SHISA6: variants seen among roughly 807,000 people sequenced by gnomAD.
SHISA6 encodes shisa family member 6.
A neutral mutation model predicts 47.9 loss-of-function variants in SHISA6; 22 were observed. That is an observed-to-expected ratio of 0.46 (90% CI 0.33 to 0.66). SHISA6 has a LOEUF of 0.66. Ranked by LOEUF, SHISA6 falls within the 30% of genes least tolerant of loss-of-function variation. SHISA6 has a pLI of 0.02. For synonymous variants in SHISA6, 388 were observed against 337.8 expected (o/e 1.15, Z -1.63); for missense variants, 680 against 764.6 (o/e 0.89, Z 1.30).
intron 2 of SHISA6, among the ~76,000 whole-genome samples, chr17:11,365,979 C>T (rs991206127): frequency 3.9e-5 from 6 of 152,002 alleles, no homozygotes; most frequent in African/African-American, 1.5e-4. Flanking sequence ...CAGAGAGTTC[C>T]AGGAAGAGGG....
intron 2 of SHISA6, among the ~76,000 whole-genome samples, chr17:11,332,932 A>G (rs1911177736): frequency 6.6e-6 from 1 of 152,096 alleles, no homozygotes; most frequent in Admixed American, 6.6e-5. Context: ...TAGAAGTCAA[A>G]CTGCCAGTGC....
intron 3 of SHISA6, among the ~76,000 whole-genome samples, chr17:11,541,970 GCCA>G (rs1207937763): frequency 2.2e-4 from 33 of 152,284 alleles, no homozygotes; most frequent in Non-Finnish European, 4.3e-4. Flanking sequence ...TATAAAAACA[GCCA>G]TTTCAGTGCT....
chr17:11,411,697 T>G (rs988974819), intron 3 of SHISA6, among the ~76,000 whole-genome samples: 1 of 152,138 alleles, frequency 6.6e-6, no homozygotes, highest in Non-Finnish European at 1.5e-5. Flanking sequence ...GTGCCTGGCC[T>G]CCAAAATCAC....
intron 2 of SHISA6, among the ~76,000 whole-genome samples, chr17:11,269,640 A>C (rs1908566731): frequency 6.6e-6 from 1 of 152,210 alleles, no homozygotes; most frequent in African/African-American, 2.4e-5. Flanking sequence ...TCAGCTTCTC[A>C]CAGGAAGTAG....
chr17:11,331,573 A>C (rs1733031923), intron 2 of SHISA6, among the ~76,000 whole-genome samples: 1 of 152,192 alleles, frequency 6.6e-6, no homozygotes, highest in South Asian at 2.1e-4. Flanking sequence ...AAAATAGACG[A>C]GATGGCATGC....
intron 1 of SHISA6, among the ~76,000 whole-genome samples, chr17:11,261,600 A>G (rs913985286): frequency 2.0e-5 from 3 of 152,224 alleles, no homozygotes; most frequent in Admixed American, 1.3e-4. Flanking sequence ...ACTTAGCATG[A>G]TGTTTTCAAG....
chr17:11,282,865 T>G (rs372546369), intron 2 of SHISA6, among the ~76,000 whole-genome samples: 62 of 152,264 alleles, frequency 4.1e-4, no homozygotes, highest in African/African-American at 1.4e-3. Context: ...CAAACTGGGA[T>G]TTAGATGGAA....
At chr17:11,359,690 A>C (rs1912197699) in intron 2 of SHISA6, among the ~76,000 whole-genome samples, 1 of 152,182 alleles carries the variant, frequency 6.6e-6, no homozygotes. Context: ...GAGAAAGAAA[A>C]AACAAACTGG....
At chr17:11,261,521 T>C (rs1019922836) in intron 1 of SHISA6, among the ~76,000 whole-genome samples, 2 of 152,234 alleles carry the variant, frequency 1.3e-5, no homozygotes, top group African/African-American at 4.8e-5. Context: ...CAGTTCTGCT[T>C]TCTGTCTTTA....
chr17:11,377,042 C>T (rs994278721), intron 2 of SHISA6, among the ~76,000 whole-genome samples: 3 of 152,204 alleles, frequency 2.0e-5, no homozygotes, highest in Non-Finnish European at 4.4e-5. Context: ...CTTTGAAAAA[C>T]ATAAAAGCTT....
intron 3 of SHISA6, among the ~76,000 whole-genome samples, chr17:11,441,692 C>T (rs1915096693): frequency 6.6e-6 from 1 of 152,126 alleles, no homozygotes; most frequent in Admixed American, 6.6e-5. Flanking sequence ...TGTATTTATA[C>T]CCACTATGAG....
chr17:11,359,418 C>T (rs985515484), intron 2 of SHISA6, among the ~76,000 whole-genome samples: 3 of 152,194 alleles, frequency 2.0e-5, no homozygotes, highest in African/African-American at 7.2e-5. Flanking sequence ...CTCATGGCTG[C>T]AGAGTCAGCT....
At chr17:11,341,906 A>G (rs1340682107) in intron 2 of SHISA6, among the ~76,000 whole-genome samples, 3 of 152,110 alleles carry the variant, frequency 2.0e-5, no homozygotes. Flanking sequence ...TCCTTCCAAC[A>G]TGGAGTTTTC....
intron 3 of SHISA6, among the ~76,000 whole-genome samples, chr17:11,428,494 CTCTT>C (rs747387820): frequency 7.9e-5 from 12 of 152,222 alleles, no homozygotes; most frequent in Non-Finnish European, 1.6e-4. Flanking sequence ...GCAAGGTTGT[CTCTT>C]TAAGGCAGGG....
intron 2 of SHISA6, among the ~76,000 whole-genome samples, chr17:11,321,849 A>G (rs4792131): frequency 0.89 from 134,957 of 152,194 alleles, 60,038 homozygotes; most frequent in East Asian, 1. Flanking sequence ...AAACTGTCTT[A>G]AAACATTGAG....
intron 2 of SHISA6, among the ~76,000 whole-genome samples, chr17:11,292,391 G>A (rs1014930929): frequency 1.3e-5 from 2 of 151,958 alleles, no homozygotes; most frequent in African/African-American, 4.8e-5. Flanking sequence ...AAACACCATG[G>A]CACATGTATA....
intron 2 of SHISA6, among the ~76,000 whole-genome samples, chr17:11,284,620 G>C (rs1909232953): frequency 6.6e-6 from 1 of 152,132 alleles, no homozygotes; most frequent in Non-Finnish European, 1.5e-5. Flanking sequence ...GGTTCAAATA[G>C]GAGTTCCTCA....
At chr17:11,382,228 A>G (rs1395864563) in intron 3 of SHISA6, among the ~76,000 whole-genome samples, 2 of 152,050 alleles carry the variant, frequency 1.3e-5, no homozygotes, top group Non-Finnish European at 2.9e-5. Context: ...GCATGCTCCC[A>G]TGCTCAGCTA....
intron 3 of SHISA6, among the ~76,000 whole-genome samples, chr17:11,489,823 T>C (rs1916431275): frequency 6.6e-6 from 1 of 152,126 alleles, no homozygotes; most frequent in African/African-American, 2.4e-5. Context: ...TGGGTAAAAG[T>C]CAAGAATGTT....
Sources: gnomAD v4.1 joint callset for allele counts (sites outside exome capture counted in the v4.1 genomes callset) on GRCh38, gnomAD v4.1.1 for gene constraint, MANE v1.5 for transcripts, NCBI Gene and HGNC (gene_info 2026-07-23, HGNC 2026-07-21) for gene names.